Variants in BMERB1 observed in about 807,000 individuals in gnomAD.
The protein encoded by BMERB1 is bMERB domain containing 1, also known as bMERB domain-containing protein 1.
In BMERB1, 12 loss-of-function variants were observed where a neutral mutation model predicts 23.6. The ratio of observed to expected loss-of-function variants is 0.51; its 90% CI spans 0.33 to 0.82. BMERB1 has a LOEUF of 0.82. Ranked by LOEUF, BMERB1 falls within the 40% of genes least tolerant of loss-of-function variation. The pLI, the probability that BMERB1 is intolerant of heterozygous loss-of-function variation, is 0.03. For missense variants in BMERB1, 247 were observed against 255.4 expected (o/e 0.97, Z 0.22); for synonymous variants, 122 against 96.6 (o/e 1.26, Z -1.54).
At chr16:15,489,765 T>A (rs1383456545) in intron 1 of BMERB1, among the ~76,000 whole-genome samples, 1 of 152,142 alleles carries the variant, frequency 6.6e-6, no homozygotes, top group Admixed American at 6.6e-5. Flanking sequence ...AGAGTCTAAC[T>A]TTTTCTATCT....
intron 1 of BMERB1, among the ~76,000 whole-genome samples, chr16:15,457,283 T>G (rs1419666966): frequency 2.0e-5 from 3 of 152,208 alleles, no homozygotes; most frequent in African/African-American, 7.2e-5. Context: ...AATATCGTAA[T>G]TCAAATGATA....
chr16:15,562,320 AC>A (rs1185773591), intron 2 of BMERB1, among the ~76,000 whole-genome samples: 501 of 150,910 alleles, frequency 3.3e-3, no homozygotes, highest in African/African-American at 0.011. Flanking sequence ...AAAAAAAAAA[AC>A]ATAAATAAAT....
intron 1 of BMERB1, among the ~76,000 whole-genome samples, chr16:15,437,411 A>G (rs976155246): frequency 6.6e-6 from 1 of 152,228 alleles, no homozygotes; most frequent in African/African-American, 2.4e-5. Context: ...CTCAAGGTTA[A>G]GTGCTCAATA....
chr16:15,535,333 A>C (rs924517945), intron 2 of BMERB1, among the ~76,000 whole-genome samples: 4 of 152,048 alleles, frequency 2.6e-5, no homozygotes, highest in African/African-American at 9.7e-5. Context: ...TCTGGGCAAC[A>C]GAGTGAGACT....
chr16:15,448,945 T>C (rs1411232512), intron 1 of BMERB1, among the ~76,000 whole-genome samples: 2 of 152,126 alleles, frequency 1.3e-5, no homozygotes, highest in Non-Finnish European at 2.9e-5. Context: ...CAAGTGACAG[T>C]GTTGTGATGG....
At chr16:15,494,434 T>C (rs1433912246) in intron 1 of BMERB1, among the ~76,000 whole-genome samples, 1 of 152,100 alleles carries the variant, frequency 6.6e-6, no homozygotes, top group East Asian at 1.9e-4. Flanking sequence ...CACTGAGTAA[T>C]GTAAAATGAC....
At chr16:15,461,982 A>G (rs2051139518) in intron 1 of BMERB1, among the ~76,000 whole-genome samples, 1 of 151,080 alleles carries the variant, frequency 6.6e-6, no homozygotes, top group Non-Finnish European at 1.5e-5. Flanking sequence ...CAAACAAAAA[A>G]CTCCCCCAAA....
intron 1 of BMERB1, among the ~76,000 whole-genome samples, chr16:15,507,810 ACCT>A (rs1327484018): frequency 1.3e-5 from 2 of 151,782 alleles, no homozygotes; most frequent in African/African-American, 2.4e-5. Flanking sequence ...TGATCTGAAG[ACCT>A]CCTTCATTAA....
chr16:15,515,895 A>G (rs754372898), intron 2 of BMERB1, among the ~76,000 whole-genome samples: 22 of 152,170 alleles, frequency 1.4e-4, no homozygotes, highest in Admixed American at 7.9e-4. Flanking sequence ...CATGGGTTGA[A>G]CGTTCATTAT....
At chr16:15,576,647 C>T (rs2030867375) in intron 3 of BMERB1, among the ~76,000 whole-genome samples, 1 of 152,032 alleles carries the variant, frequency 6.6e-6, no homozygotes, top group Admixed American at 6.6e-5. Context: ...TATTCTCTTT[C>T]GGTTCTGGAG....
chr16:15,472,151 G>C (rs1200869629), intron 1 of BMERB1, among the ~76,000 whole-genome samples: 1 of 152,112 alleles, frequency 6.6e-6, no homozygotes, highest in Non-Finnish European at 1.5e-5. Context: ...TTTTGAATTT[G>C]TTGGGGATTG....
chr16:15,470,229 A>G (rs894816842), intron 1 of BMERB1, among the ~76,000 whole-genome samples: 4 of 152,208 alleles, frequency 2.6e-5, no homozygotes, highest in South Asian at 2.1e-4. Flanking sequence ...ATCAATTGAT[A>G]CAATTGTATG....
chr16:15,544,690 CAAAAT>C (rs2150964036), intron 2 of BMERB1, among the ~76,000 whole-genome samples: 1 of 152,230 alleles, frequency 6.6e-6, no homozygotes, highest in South Asian at 2.1e-4. Flanking sequence ...TAGATCAAGA[CAAAAT>C]AACACTACTC....
Position 15,583,230 on chromosome 16 carries a change from C to T in BMERB1, c.494C>T (p.Ser165Phe), listed in dbSNP as rs140299889. The stretch of plus-strand genomic sequence containing the variant: ...AAACCTCTAGACAAAGTAACCAAAT[C>T]TCCAGCCAGTGAGTATATACATTAT... ...KLKPLDKVTK[S>F]PASSRAEKKA... is the part of the protein sequence containing the mutation. Residue 165 changes from serine to phenylalanine, a missense_variant, in exon 5 of 6, where the codon TCT becomes TTT. Ser to Phe is a radical substitution (Grantham distance 155, BLOSUM62 -2). Coordinates refer to ENST00000300006, the MANE Select transcript of BMERB1 (RefSeq NM_033201.3). The T allele has an allele frequency of 1.6e-5, 26 of 1,606,950 alleles. No homozygotes were observed. In the African/African-American group the frequency reaches 3.2e-4, roughly 20 times the overall value.
chr16:15,564,863 C>T (rs1398175211), intron 2 of BMERB1, among the ~76,000 whole-genome samples: 1 of 152,162 alleles, frequency 6.6e-6, no homozygotes, highest in Non-Finnish European at 1.5e-5. Flanking sequence ...ACCTACTGAC[C>T]TGCATGTTTT....
At position 15,552,615 on chromosome 16, in the gene BMERB1, T is replaced by TA. The variant is rs1282812308; in HGVS notation, c.231-15368_231-15367insA. On this transcript the variant is annotated intron_variant, in intron 2 of 5. Coordinates refer to ENST00000300006, the MANE Select transcript of BMERB1 (RefSeq NM_033201.3). ...TTGCATGCACTGGGCACGGCCCAGT[T>TA]CCCTGCCAGAGCCCAGAGAAGAAAA... Among the ~76,000 whole-genome samples, 12 of 152,308 alleles carry TA rather than the reference T, an allele frequency of 7.9e-5. No individual in the cohort carries two copies. The South Asian group carries it at 2.5e-3, about 32-fold the overall frequency.
intron 2 of BMERB1, among the ~76,000 whole-genome samples, chr16:15,517,885 G>C (rs569461990): frequency 3.2e-5 from 4 of 124,852 alleles, no homozygotes; most frequent in South Asian, 4.4e-4. Context: ...GTGTGTGGAT[G>C]TGTGTGTGTG....
chr16:15,540,569 T>TG (rs1388771472), intron 2 of BMERB1, among the ~76,000 whole-genome samples: 2 of 152,124 alleles, frequency 1.3e-5, no homozygotes, highest in African/African-American at 4.8e-5. Context: ...TAGCAACTGT[T>TG]GCCATGGTAA....
chr16:15,586,862 C>T lies in BMERB1; in HGVS notation c.*33C>T. The T allele has an allele frequency of 1.5e-6, 2 of 1,315,684 alleles. No individual in the cohort carries two copies. Among genetic ancestry groups the T allele is most frequent in the Non-Finnish European group, 2.1e-6 (2 of 971,712 alleles). The allele number at this position is 1,315,684 out of a possible 1,614,324, so 81.5% of individuals were successfully genotyped here. A position where few individuals can be genotyped will look rare whatever the true frequency, so the allele number is the denominator to read the frequency against. On this transcript the variant is annotated 3_prime_UTR_variant, in exon 6 of 6. Coordinates refer to ENST00000300006, the MANE Select transcript of BMERB1 (RefSeq NM_033201.3). ...GTGGGGTGCCCTGGGCCATGGGGACCCCCCCCCACCCTCTTGTCTTTATAG... is the reference window on the plus strand; with the variant it reads ...GTGGGGTGCCCTGGGCCATGGGGACTCCCCCCCACCCTCTTGTCTTTATAG...
Sources: allele counts gnomAD v4.1 joint callset (sites outside exome capture counted in the v4.1 genomes callset), GRCh38; gene constraint gnomAD v4.1.1; transcripts MANE v1.5; gene names NCBI Gene and HGNC (gene_info 2026-07-23, HGNC 2026-07-21).